Variants in PCDHA10 observed in about 807,000 individuals in gnomAD.
PCDHA10 encodes the protein protocadherin alpha 10.
Under a neutral mutation model 61.2 loss-of-function variants are expected in PCDHA10, and 45 were observed. The observed-to-expected ratio is 0.74, with a 90% confidence interval of 0.58 to 0.94. The LOEUF (loss-of-function observed/expected upper bound fraction) is 0.94, where lower values mean the gene tolerates loss of function less well. Among genes scored for constraint, PCDHA10 ranks in the 40% least tolerant of loss-of-function variants. PCDHA10 has a pLI of 0.00. For synonymous variants in PCDHA10, 602 were observed against 548.8 expected (o/e 1.10, Z -1.35); for missense variants, 1,278 against 1,236.2 (o/e 1.03, Z -0.51).
At position 140,857,687 on chromosome 5, in the gene PCDHA10, A is replaced by C; in HGVS notation, c.1639A>C (p.Asn547His). 1 of 1,597,130 alleles carries C rather than the reference A, an allele frequency of 6.3e-7. No individual in the cohort carries two copies. The highest frequency in any genetic ancestry group is 1.1e-5 in the South Asian group (1 of 90,518). ...RDGGVPPLGSNLTLQVFVLDE... is the reference protein window; with the variant it reads ...RDGGVPPLGSHLTLQVFVLDE... Reference sequence around the variant, plus strand: ...TGGGGGCGTGCCGCCTCTGGGCAGCAACTTGACGCTGCAGGTGTTCGTGCT... The same window carrying C: ...TGGGGGCGTGCCGCCTCTGGGCAGCCACTTGACGCTGCAGGTGTTCGTGCT... Residue 547 changes from asparagine (N) to histidine (H), a missense_variant, in exon 1 of 4, where the codon AAC becomes CAC. By Grantham distance (68) the Asn-to-His change is moderately conservative. Coordinates refer to ENST00000307360, the MANE Select transcript of PCDHA10 (RefSeq NM_018901.4).
intron 1 of PCDHA10, chr5:140,878,061 AT>A (rs2057460632): frequency 2.4e-6 from 1 of 424,416 alleles, no homozygotes; most frequent in Non-Finnish European, 3.8e-6. Context: ...CACACTTAAT[AT>A]TTTTCTTTTT....
chr5:140,883,096 T>G (rs2059436763), intron 1 of PCDHA10: 1 of 1,614,006 alleles, frequency 6.2e-7, no homozygotes, highest in Non-Finnish European at 8.5e-7. Flanking sequence ...CAAATGGAGA[T>G]ATAGTTTACT....
chr5:140,989,733 C>T (rs31874), intron 3 of PCDHA10, among the ~76,000 whole-genome samples: 120,660 of 152,102 alleles, frequency 0.79, 48,852 homozygotes, highest in East Asian at 0.98. Context: ...GTTGAAAAGG[C>T]CATTGCCTAA....
At chr5:140,929,400 A>G (rs915139377) in intron 1 of PCDHA10, 5 of 1,509,110 alleles carry the variant, frequency 3.3e-6, no homozygotes, top group African/African-American at 2.8e-5. Flanking sequence ...TATTTCTTAG[A>G]CAAGCCTTTC....
chr5:141,009,702 C>T lies in PCDHA10; in HGVS notation c.2612C>T (p.Pro871Leu). 1 of 1,614,056 alleles carries T rather than the reference C, an allele frequency of 6.2e-7. No individual in the cohort carries two copies. The highest frequency in any genetic ancestry group is 8.5e-7 in the Non-Finnish European group (1 of 1,180,028). The change falls in exon 4 of 4, where the codon CCA becomes CTA. Residue 871 changes from proline to leucine, a missense_variant. Transcript: ENST00000307360. ...AACAGCTGGACCTTTAAATACGGAC[C>T]AGGCAACCCCAAACAATCCGGTCCC... is the stretch of plus-strand genomic sequence containing the variant. The part of the protein sequence containing the change: ...NSNSWTFKYG[P>L]GNPKQSGPGE...
rs1368587662 is a variant in PCDHA10 at position 140,863,465 on chromosome 5, T to C, written c.2388+5029T>C. 19 of 507,706 alleles carry C rather than the reference T, an allele frequency of 3.7e-5. No individual in the cohort carries two copies. The Admixed American group carries it at 3.9e-4, about 10-fold the overall frequency. 31.5% of individuals were successfully genotyped at this position (507,706 alleles called of 1,614,324 possible). Reference sequence around the variant, plus strand: ...ACTCGCAGCAAAGGAGATTTTACTCTGGAGAGTCGCCTCCCAAGGTCAACA... The same window carrying C: ...ACTCGCAGCAAAGGAGATTTTACTCCGGAGAGTCGCCTCCCAAGGTCAACA... On this transcript the variant is annotated intron_variant, in intron 1 of 3. Coordinates refer to ENST00000307360, the MANE Select transcript of PCDHA10 (RefSeq NM_018901.4).
At chr5:140,863,412 G>A (rs1226445956) in intron 1 of PCDHA10, 2 of 735,306 alleles carry the variant, frequency 2.7e-6, no homozygotes, top group Non-Finnish European at 4.6e-6. Flanking sequence ...CCACGCTGGT[G>A]TACCGCAGCG....
Position 140,895,072 on chromosome 5 carries a change from A to C in PCDHA10, c.2388+36636A>C, listed in dbSNP as rs974661383. On this transcript the variant is annotated intron_variant, in intron 1 of 3. Coordinates refer to ENST00000307360, the MANE Select transcript of PCDHA10 (RefSeq NM_018901.4). ...TCTGCTTCATATGGACTCAATTCCT[A>C]TCAGTTCCTCCTCAGTATAGGGGTT... 2.6e-5 allele frequency among the ~76,000 whole-genome samples: 4 copies of C among 152,208 alleles called. No homozygotes were observed. In the South Asian group the frequency reaches 6.2e-4, roughly 24 times the overall value.
chr5:140,927,099 T>G lies in PCDHA10; in HGVS notation c.2389-51850T>G, dbSNP rs782352775. 10 of 1,613,434 alleles carry G rather than the reference T, an allele frequency of 6.2e-6. No homozygotes were observed. In the South Asian group the frequency reaches 7.7e-5, roughly 12 times the overall value. On this transcript the variant is annotated intron_variant, in intron 1 of 3. Coordinates refer to ENST00000307360, the MANE Select transcript of PCDHA10 (RefSeq NM_018901.4). The stretch of plus-strand genomic sequence containing the variant: ...ACCGCGAGCTCTACTTCGGGGTGGA[T>G]CTACCCAGCGGCAATTTGGTGGTCA...
chr5:140,883,860 T>C, intron 1 of PCDHA10: 2 of 1,613,044 alleles, frequency 1.2e-6, no homozygotes, highest in Non-Finnish European at 1.7e-6. Flanking sequence ...CTGGAGCTGT[T>C]GCAGTTCCAG....
chr5:141,003,623 G>C (rs572368614), intron 3 of PCDHA10, among the ~76,000 whole-genome samples: 1 of 152,240 alleles, frequency 6.6e-6, no homozygotes, highest in East Asian at 1.9e-4. Flanking sequence ...CCAGAGGGCA[G>C]TTTTTAAAGT....
intron 1 of PCDHA10, chr5:140,865,276 A>C (rs1259929585): frequency 6.6e-6 from 1 of 152,182 alleles, no homozygotes; most frequent in African/African-American, 2.4e-5. Flanking sequence ...TTATATGTAA[A>C]ATTACTTTGC....
At position 140,857,011 on chromosome 5, in the gene PCDHA10, T is replaced by G; in HGVS notation, c.963T>G (p.Val321=). ...DSNTYEIHVD[V]TDKGNPPMVG... is the part of the protein sequence containing the mutation. ...ACACTTATGAAATTCATGTAGATGT[T>G]ACAGATAAGGGAAACCCACCTATGG... Residue 321 remains valine (V), a synonymous_variant, in exon 1 of 4, where the codon GTT becomes GTG. Coordinates refer to ENST00000307360, the MANE Select transcript of PCDHA10 (RefSeq NM_018901.4). The G allele has an allele frequency of 6.3e-7, 1 of 1,596,152 alleles. No individual in the cohort carries two copies. The highest frequency in any genetic ancestry group is 8.6e-7 in the Non-Finnish European group (1 of 1,165,838).
intron 1 of PCDHA10, among the ~76,000 whole-genome samples, chr5:140,895,670 G>C (rs551602030): frequency 3.9e-5 from 6 of 152,250 alleles, no homozygotes; most frequent in Non-Finnish European, 8.8e-5. Context: ...AGAACATGTA[G>C]TATTTGGTTT....
chr5:140,992,017 CTGTGTGTGTGTGTGTG>C (rs10602499), intron 3 of PCDHA10, among the ~76,000 whole-genome samples: 31 of 145,626 alleles, frequency 2.1e-4, no homozygotes, highest in East Asian at 1.4e-3. Flanking sequence ...AGAGGTGGCT[CTGTGTGTGTGTGTGTG>C]TGTGTGTGTG....
chr5:140,856,941 C>G lies in PCDHA10; in HGVS notation c.893C>G (p.Thr298Arg). 1 of 1,592,588 alleles carries G rather than the reference C, an allele frequency of 6.3e-7. No individual in the cohort carries two copies. Among genetic ancestry groups the G allele is most frequent in the Non-Finnish European group, 8.6e-7 (1 of 1,163,048 alleles). Residue 298 changes from threonine to arginine, a missense_variant, in exon 1 of 4, where the codon ACG becomes AGG. Physicochemically the swap from Thr to Arg is moderately conservative, Grantham distance 71. Transcript: ENST00000307360. ...AGGAAATTTTGGATAAACGAAAGGA[C>G]GGGAGAAATAAAAGTAAATGATGCT... ...IRRKFWINER[T>R]GEIKVNDAID... is the part of the protein sequence containing the mutation.
chr5:140,860,511 C>T (rs2046428748), intron 1 of PCDHA10: 2 of 152,066 alleles, frequency 1.3e-5, no homozygotes, highest in Non-Finnish European at 2.9e-5. Flanking sequence ...CAAGATAAAA[C>T]TCTTCATGGA....
chr5:140,871,344 G>A (rs533115257), intron 1 of PCDHA10: 1 of 1,614,200 alleles, frequency 6.2e-7, no homozygotes, highest in African/African-American at 1.3e-5. Flanking sequence ...TGGGGAGCTG[G>A]TCATACTCGC....
At chr5:140,988,226 G>C (rs1375369387) in intron 3 of PCDHA10, among the ~76,000 whole-genome samples, 2 of 152,154 alleles carry the variant, frequency 1.3e-5, no homozygotes, top group Non-Finnish European at 2.9e-5. Context: ...TGAGATCAGG[G>C]ATCTATGTGA....
Sources: allele counts gnomAD v4.1 joint callset (sites outside exome capture counted in the v4.1 genomes callset), GRCh38; gene constraint gnomAD v4.1.1; transcripts MANE v1.5; gene names NCBI Gene and HGNC (gene_info 2026-07-23, HGNC 2026-07-21).